TSHB: variants seen among roughly 807,000 people sequenced by gnomAD.
TSHB encodes the protein thyroid stimulating hormone subunit beta.
In TSHB, 9 loss-of-function variants were observed where a neutral mutation model predicts 9.3. The observed-to-expected ratio is 0.97, with a 90% CI of 0.58 to 1.69. The LOEUF (loss-of-function observed/expected upper bound fraction) is 1.69, where lower values mean the gene tolerates loss of function less well. TSHB is among the 40% of genes most tolerant of loss of function. TSHB has a pLI of 0.00. For synonymous variants in TSHB, 57 were observed against 57.2 expected (o/e 1.00, Z 0.01); for missense variants, 182 against 168.5 (o/e 1.08, Z -0.44).
intron 1 of TSHB, 31 bp downstream of exon 1, chr1:115,029,891 A>T (rs945334027): frequency 6.6e-6 from 1 of 152,488 alleles, no homozygotes; most frequent in South Asian, 2.1e-4. Context: ...GGCTCTGTGA[A>T]ATGATATGTT....
intron 2 of TSHB, 117 bp from the exon 3 acceptor site, chr1:115,033,856 C>A: frequency 6.9e-7 from 1 of 1,444,762 alleles, no homozygotes; most frequent in Non-Finnish European, 9.6e-7. Flanking sequence ...CTAAGCAATT[C>A]TTTCCCAGTT....
rs1430091875 is a variant in TSHB at position 115,034,184 on chromosome 1, G to A, written c.374G>A (p.Cys125Tyr). ...CIHEAIKTNYCTKPQKSYLVG... is the reference protein window; with the variant it reads ...CIHEAIKTNYYTKPQKSYLVG... The stretch of plus-strand genomic sequence containing the variant: ...CATGAAGCCATCAAGACAAACTACT[G>A]TACCAAACCTCAGAAGTCTTATCTG... The change falls in exon 3 of 3, where the codon TGT becomes TAT. Residue 125 changes from cysteine (C) to tyrosine (Y), a missense_variant. Cys to Tyr is a radical substitution (Grantham distance 194). Transcript: ENST00000256592. 1.2e-6 allele frequency: 2 copies of A among 1,613,710 alleles called. No individual in the cohort carries two copies. The highest frequency in any genetic ancestry group is 1.7e-6 in the Non-Finnish European group (2 of 1,179,712).
At chr1:115,032,814 T>C (rs941083053) in intron 1 of TSHB, among the ~76,000 whole-genome samples, 1 of 152,020 alleles carries the variant, frequency 6.6e-6, no homozygotes, top group African/African-American at 2.4e-5. Context: ...TCAATACATA[T>C]TGATAATGAT....
chr1:115,033,696 C>T, intron 2 of TSHB, 172 bp downstream of exon 2: 1 of 221,850 alleles, frequency 4.5e-6, no homozygotes, highest in South Asian at 1.6e-4. Flanking sequence ...ATCTACTCAG[C>T]ACAATGGATA....
chr1:115,031,299 C>A (rs1674889692), intron 1 of TSHB, among the ~76,000 whole-genome samples: 1 of 151,584 alleles, frequency 6.6e-6, no homozygotes, highest in Non-Finnish European at 1.5e-5. Context: ...GGAGAAACTT[C>A]AAAAAAATAT....
chr1:115,030,820 T>C (rs558825952), intron 1 of TSHB, among the ~76,000 whole-genome samples: 85 of 152,146 alleles, frequency 5.6e-4, no homozygotes, highest in Non-Finnish European at 1.0e-3. Flanking sequence ...CGCGGATTTG[T>C]ACAGTGTTAT....
intron 2 of TSHB, 104 bp from the exon 3 acceptor site, chr1:115,033,869 A>T (rs1158137305): frequency 6.7e-7 from 1 of 1,488,886 alleles, no homozygotes; most frequent in Non-Finnish European, 9.3e-7. Context: ...TCCCAGTTGT[A>T]TTTGTGATGA....
Position 115,033,484 on chromosome 1 carries a change from C to T in TSHB, c.122C>T (p.Thr41Ile). Reference protein sequence around the residue: ...IERRECAYCLTINTTICAGYC... With the variant: ...IERRECAYCLIINTTICAGYC... ...AGGAGAGAGTGTGCTTATTGCCTAA[C>T]CATCAACACCACCATCTGTGCTGGA... The change falls in exon 2 of 3, where the codon ACC (threonine) becomes ATC (isoleucine). Residue 41 changes from threonine (T) to isoleucine (I), a missense_variant. Transcript: ENST00000256592. The T allele has an allele frequency of 6.2e-7, 1 of 1,613,338 alleles. No individual in the cohort carries two copies. Among genetic ancestry groups the T allele is most frequent in the South Asian group, 1.1e-5 (1 of 91,072 alleles).
intron 1 of TSHB, among the ~76,000 whole-genome samples, chr1:115,032,690 A>G (rs1300024206): frequency 1.3e-5 from 2 of 151,996 alleles, no homozygotes; most frequent in Non-Finnish European, 1.5e-5. Context: ...GACCTAAAAT[A>G]ATTATGTCAT....
chr1:115,030,544 A>G (rs771152570), intron 1 of TSHB, among the ~76,000 whole-genome samples: 1 of 152,016 alleles, frequency 6.6e-6, no homozygotes, highest in Non-Finnish European at 1.5e-5. Context: ...GGGAGCAAAA[A>G]TAAGAGAAAA....
chr1:115,031,361 C>T (rs1009114292), intron 1 of TSHB, among the ~76,000 whole-genome samples: 5 of 151,858 alleles, frequency 3.3e-5, no homozygotes, highest in Non-Finnish European at 5.9e-5. Flanking sequence ...AATTTTCATC[C>T]TACATTTTAA....
At chr1:115,032,516 G>A (rs1389216747) in intron 1 of TSHB, among the ~76,000 whole-genome samples, 1 of 151,680 alleles carries the variant, frequency 6.6e-6, no homozygotes, top group Non-Finnish European at 1.5e-5. Context: ...ACTCCATTAA[G>A]GTATATATTT....
Position 115,033,946 on chromosome 1 carries a change from A to G in TSHB, c.163-27A>G, listed in dbSNP as rs1285632743. 5 of 1,611,364 alleles carry G rather than the reference A, an allele frequency of 3.1e-6. No homozygotes were observed. The African/African-American group carries it at 4.0e-5, about 13-fold the overall frequency. On this transcript the variant is annotated intron_variant, in intron 2 of 2. Coordinates refer to ENST00000256592, the MANE Select transcript of TSHB (RefSeq NM_000549.5). Reference sequence around the variant, plus strand: ...ATGTTTCCTAAAGTCCTGTCACATTATGCTCTCTTTTCTGTTCTTTCCCCA... The same window carrying G: ...ATGTTTCCTAAAGTCCTGTCACATTGTGCTCTCTTTTCTGTTCTTTCCCCA...
rs926850907 is a variant in TSHB, at chr1:115,033,457, A to G, written c.95A>G (p.Glu32Gly). Residue 32 changes from glutamate (E) to glycine (G), a missense_variant, in exon 2 of 3, where the codon GAA (glutamate) becomes GGA (glycine). Glu to Gly is a moderately conservative substitution (Grantham distance 98). Transcript: ENST00000256592. ...CIPTEYTMHI[E>G]RRECAYCLTI... ...CCAACTGAGTATACAATGCACATCG[A>G]AAGGAGAGAGTGTGCTTATTGCCTA... The G allele has an allele frequency of 6.8e-6, 11 of 1,613,140 alleles. No individual in the cohort carries two copies. The highest frequency in any genetic ancestry group is 9.3e-6 in the Non-Finnish European group (11 of 1,179,154).
chr1:115,033,005 C>CTTT (rs5777208), intron 1 of TSHB, among the ~76,000 whole-genome samples: 1 of 140,642 alleles, frequency 7.1e-6, no homozygotes, highest in Non-Finnish European at 1.5e-5. Flanking sequence ...TTGTGTCAAC[C>CTTT]TTTTTTTTTT....
Position 115,034,092 on chromosome 1 carries a change from T to G in TSHB, c.282T>G (p.Tyr94Ter). 1 of 1,613,840 alleles carries G rather than the reference T, an allele frequency of 6.2e-7. No homozygotes were observed. The change falls in exon 3 of 3, where the codon TAT (tyrosine) becomes TAG (stop). Residue 94 changes from tyrosine to a stop codon, truncating the protein, a stop_gained. Coordinates refer to ENST00000256592, the MANE Select transcript of TSHB (RefSeq NM_000549.5). LOFTEE classifies it high-confidence loss of function. The part of the protein sequence containing the change: ...IPGCPLHVAP[Y>*]FSYPVALSCK... ...GATGCCCACTCCATGTTGCTCCCTATTTTTCCTATCCTGTTGCTTTAAGCT... is the reference window on the plus strand; with the variant it reads ...GATGCCCACTCCATGTTGCTCCCTAGTTTTCCTATCCTGTTGCTTTAAGCT...
rs556357869 is a variant in TSHB at position 115,034,278 on chromosome 1, A to G, written c.*51A>G. The G allele has an allele frequency of 1.3e-5, 20 of 1,568,288 alleles. No homozygotes were observed. Among genetic ancestry groups the G allele is most frequent in the Non-Finnish European group, 1.6e-5 (18 of 1,139,012 alleles). On this transcript the variant is annotated 3_prime_UTR_variant, in exon 3 of 3. Transcript: ENST00000256592. ...AAATGTGCTTGCCTGAAATAAAGCT[A>G]ATAAAAATATTATGTTTCACATTAT...
intron 1 of TSHB, among the ~76,000 whole-genome samples, chr1:115,032,454 A>C (rs758636486): frequency 6.6e-6 from 1 of 152,006 alleles, no homozygotes; most frequent in Non-Finnish European, 1.5e-5. Context: ...AGTAAATTAT[A>C]TTTTATTTAA....
At position 115,033,368 on chromosome 1, in the gene TSHB, T is replaced by G; in HGVS notation, c.6T>G (p.Thr2=). 1 of 1,613,310 alleles carries G rather than the reference T, an allele frequency of 6.2e-7. No individual in the cohort carries two copies. The highest frequency in any genetic ancestry group is 8.5e-7 in the Non-Finnish European group (1 of 1,179,372). Residue 2 remains threonine (T), a synonymous_variant, in exon 2 of 3, where the codon ACT becomes ACG. Coordinates refer to ENST00000256592, the MANE Select transcript of TSHB (RefSeq NM_000549.5). M[T]ALFLMSMLFG... ...AATTTTATCTTTGATTTAGCATGAC[T>G]GCTCTCTTTCTGATGTCCATGCTTT...
Sources: gnomAD v4.1 joint callset for allele counts (sites outside exome capture counted in the v4.1 genomes callset) on GRCh38, gnomAD v4.1.1 for gene constraint, MANE v1.5 for transcripts, NCBI Gene and HGNC (gene_info 2026-07-23, HGNC 2026-07-21) for gene names.